STX18: variants seen among roughly 807,000 people sequenced by gnomAD.
The protein encoded by STX18 is syntaxin 18.
A neutral mutation model predicts 50.1 loss-of-function variants in STX18; 40 were observed. The observed-to-expected ratio is 0.80, with a 90% confidence interval of 0.62 to 1.04. The LOEUF is 1.04. Among genes scored for constraint, STX18 ranks in the 50% least tolerant of loss-of-function variants. The probability of loss-of-function intolerance (pLI) is 0.00; values close to 1 mark genes in which losing one functional copy is unlikely to be tolerated. For synonymous variants in STX18, 158 were observed against 151.8 expected, an observed-to-expected ratio of 1.04 and a Z score of -0.30; for missense variants, 410 against 415.8, an observed-to-expected ratio of 0.99 and a Z score of 0.12.
rs960832427 is a variant in STX18, at chr4:4,496,406, C to A, written c.169-24700G>T. Among the ~76,000 whole-genome samples, 9 of 152,252 alleles carry A rather than the reference C, an allele frequency of 5.9e-5. No homozygotes were observed. The South Asian group carries it at 6.2e-4, about 11-fold the overall frequency. On this transcript the variant is annotated intron_variant, in intron 1 of 10. Coordinates refer to ENST00000306200, the MANE Select transcript of STX18 (RefSeq NM_016930.4). ...CTCCTGCTGAACCACTGCAGCCAAC[C>A]CGCCATCAAGTCCTCCAGCTTCTAC... is the stretch of plus-strand genomic sequence containing the variant.
intron 1 of STX18, among the ~76,000 whole-genome samples, chr4:4,522,451 T>C (rs538418486): frequency 2.6e-4 from 40 of 152,298 alleles, no homozygotes; most frequent in African/African-American, 7.0e-4. Context: ...AGACATTTAC[T>C]TGGGAAAATG....
intron 1 of STX18, among the ~76,000 whole-genome samples, chr4:4,505,135 G>C (rs985740600): frequency 6.6e-6 from 1 of 152,122 alleles, no homozygotes; most frequent in African/African-American, 2.4e-5. Context: ...CTATGGATTT[G>C]CCTGTTCTGG....
intron 1 of STX18, among the ~76,000 whole-genome samples, chr4:4,487,278 G>C (rs1441511574): frequency 2.0e-5 from 3 of 152,212 alleles, no homozygotes; most frequent in Admixed American, 6.5e-5. Context: ...GGGCCTGCAG[G>C]TGGTGGGGAG....
intron 1 of STX18, among the ~76,000 whole-genome samples, chr4:4,498,713 A>G (rs958825733): frequency 3.3e-5 from 5 of 152,216 alleles, no homozygotes; most frequent in Non-Finnish European, 5.9e-5. Flanking sequence ...ATAATAAAAA[A>G]TAGATTATAT....
At chr4:4,458,812 T>A (rs183859067) in intron 3 of STX18, among the ~76,000 whole-genome samples, 7 of 152,334 alleles carry the variant, frequency 4.6e-5, no homozygotes, top group Non-Finnish European at 8.8e-5. Flanking sequence ...ATTAAGTGAT[T>A]TGCAGAGGGC....
At chr4:4,456,489 G>A (rs1727081473) in intron 5 of STX18, among the ~76,000 whole-genome samples, 1 of 152,220 alleles carries the variant, frequency 6.6e-6, no homozygotes, top group Non-Finnish European at 1.5e-5. Flanking sequence ...GCCCAGAGGG[G>A]AAACCAGGCA....
At chr4:4,456,011 A>G (rs928538349) in intron 5 of STX18, among the ~76,000 whole-genome samples, 5 of 152,140 alleles carry the variant, frequency 3.3e-5, no homozygotes, top group Non-Finnish European at 1.5e-5. Flanking sequence ...TGGGCCAGAC[A>G]TGGTGGCTCA....
intron 1 of STX18, among the ~76,000 whole-genome samples, chr4:4,537,354 T>C (rs577046611): frequency 6.6e-6 from 1 of 152,306 alleles, no homozygotes; most frequent in African/African-American, 2.4e-5. Context: ...CAACATTCCT[T>C]ACTCCCTATT....
intron 1 of STX18, among the ~76,000 whole-genome samples, chr4:4,534,077 G>A (rs6836159): frequency 0.041 from 6,241 of 152,210 alleles, 394 homozygotes; most frequent in African/African-American, 0.14. Flanking sequence ...TGCTGAGACA[G>A]GTCTCAATCT....
At position 4,419,947 on chromosome 4, in the gene STX18, T is replaced by A. The variant is rs967923110; in HGVS notation, c.*87A>T. On this transcript the variant is annotated 3_prime_UTR_variant, in exon 11 of 11. Transcript: ENST00000306200. ...ATGGCACTGTGATAAAATCTGGTCA[T>A]ACCATGCTCCAGCACTGGAAGTACA... 6 of 1,131,834 alleles carry A rather than the reference T, an allele frequency of 5.3e-6. No homozygotes were observed. In the African/African-American group the frequency reaches 6.2e-5, roughly 12 times the overall value. The allele number at this position is 1,131,834 out of a possible 1,614,324, so 70.1% of individuals were successfully genotyped here. A position where few individuals can be genotyped will look rare whatever the true frequency, so the allele number is the denominator to read the frequency against.
chr4:4,453,085 G>A (rs912950303), intron 5 of STX18, among the ~76,000 whole-genome samples: 22 of 152,336 alleles, frequency 1.4e-4, no homozygotes, highest in African/African-American at 5.1e-4. Context: ...TCTTGAGATG[G>A]AATCTGCTCT....
intron 1 of STX18, among the ~76,000 whole-genome samples, chr4:4,477,271 T>G (rs1248116898): frequency 6.6e-6 from 1 of 151,930 alleles, no homozygotes; most frequent in African/African-American, 2.4e-5. Context: ...CAAAACAAAC[T>G]CATGTAGTAC....
intron 1 of STX18, chr4:4,506,997 C>A: frequency 2.8e-6 from 1 of 359,810 alleles, no homozygotes; most frequent in Non-Finnish European, 5.3e-6. Context: ...AAAGGTCAAG[C>A]TTACTGTATG....
intron 1 of STX18, among the ~76,000 whole-genome samples, chr4:4,483,335 A>C (rs915654331): frequency 6.6e-6 from 1 of 152,224 alleles, no homozygotes; most frequent in African/African-American, 2.4e-5. Flanking sequence ...GTGGCACCTT[A>C]TAATGCTTAA....
intron 2 of STX18, among the ~76,000 whole-genome samples, chr4:4,470,717 T>C (rs1000531799): frequency 6.6e-6 from 1 of 151,902 alleles, no homozygotes; most frequent in Non-Finnish European, 1.5e-5. Flanking sequence ...GAAACCACCA[T>C]GGGAAGAGGA....
chr4:4,513,021 T>A (rs983480207), intron 1 of STX18, among the ~76,000 whole-genome samples: 1 of 152,092 alleles, frequency 6.6e-6, no homozygotes, highest in East Asian at 1.9e-4. Context: ...AATCCAGGAA[T>A]ATAATAATAA....
In STX18 at chr4:4,482,095, C is replaced by T. The variant is rs565532534; in HGVS notation, c.169-10389G>A. 2.6e-5 allele frequency among the ~76,000 whole-genome samples: 4 copies of T among 152,262 alleles called. No homozygotes were observed. The South Asian group carries it at 8.3e-4, about 32-fold the overall frequency. On this transcript the variant is annotated intron_variant, in intron 1 of 10. Coordinates refer to ENST00000306200, the MANE Select transcript of STX18 (RefSeq NM_016930.4). Reference sequence around the variant, plus strand: ...CCCTCGGGTTCCAGAACACCACTGTCTCTAGGTTCTTTTCTAAAACCTATA... The same window carrying T: ...CCCTCGGGTTCCAGAACACCACTGTTTCTAGGTTCTTTTCTAAAACCTATA...
At chr4:4,478,554 G>GAGAAACTCTGGGC (rs1018244292) in intron 1 of STX18, 2 of 152,214 alleles carry the variant, frequency 1.3e-5, no homozygotes, top group African/African-American at 4.8e-5. Flanking sequence ...GAGGGCAGAG[G>GAGAAACTCTGGGC]AAAAGACTCT....
intron 6 of STX18, 132 bp downstream of exon 6, chr4:4,438,261 CT>C: frequency 1.5e-6 from 1 of 687,522 alleles, no homozygotes; most frequent in Non-Finnish European, 2.4e-6. Context: ...CTGCCGCCTC[CT>C]GCTTCCTTTG....
Sources: allele counts gnomAD v4.1 joint callset (sites outside exome capture counted in the v4.1 genomes callset), GRCh38; gene constraint gnomAD v4.1.1; transcripts MANE v1.5; gene names NCBI Gene and HGNC (gene_info 2026-07-23, HGNC 2026-07-21).